Variants in CDH1 observed in about 807,000 individuals in gnomAD.
CDH1 encodes the protein cadherin-1.
CDH1 carries 35 observed loss-of-function variants against 84.5 expected under a neutral mutation model. The ratio of observed to expected loss-of-function variants is 0.41; its 90% CI spans 0.32 to 0.55. CDH1 has a LOEUF of 0.55. Among genes scored for constraint, CDH1 ranks in the 20% least tolerant of loss-of-function variants. The pLI is 0.19. For synonymous variants in CDH1, 417 were observed against 439.0 expected, an observed-to-expected ratio of 0.95 and a Z score of 0.63; for missense variants, 994 against 1,126.6, an observed-to-expected ratio of 0.88 and a Z score of 1.68.
chr16:68,804,996 A>ATTT (rs71148951), intron 3 of CDH1, among the ~76,000 whole-genome samples: 178 of 89,564 alleles, frequency 2.0e-3, no homozygotes, highest in Non-Finnish European at 2.5e-3. Flanking sequence ...TGCCCAGCTA[A>ATTT]TTTTTTTTTT....
chr16:68,745,549 A>AAATATATATATATATATGT (rs1555510453), intron 2 of CDH1, among the ~76,000 whole-genome samples: 2,069 of 75,156 alleles, frequency 0.028, 89 homozygotes, highest in Middle Eastern at 0.056. Context: ...AAAAAAAAAA[A>AAATATATATATATATATGT]ATATATATAT....
At chr16:68,779,074 T>C (rs755284474) in intron 2 of CDH1, among the ~76,000 whole-genome samples, 16 of 152,208 alleles carry the variant, frequency 1.1e-4, no homozygotes, top group Non-Finnish European at 1.6e-4. Flanking sequence ...AGTCAACTTA[T>C]TTACAGTGCT....
Position 68,813,298 on chromosome 16 carries a change from C to G in CDH1, c.1138-15C>G, listed in dbSNP as rs752733398. On this transcript the variant is annotated splice_polypyrimidine_tract_variant and intron_variant, in intron 8 of 15. Transcript: ENST00000261769. ...TCTTGGTACTTTGTAAATGACACATCTCTTTGCTCTGCAGTACAAGGGTCA... is the reference window on the plus strand; with the variant it reads ...TCTTGGTACTTTGTAAATGACACATGTCTTTGCTCTGCAGTACAAGGGTCA... 6 of 1,613,722 alleles carry G rather than the reference C, an allele frequency of 3.7e-6. No individual in the cohort carries two copies. The East Asian group carries it at 1.3e-4, about 36-fold the overall frequency.
At chr16:68,802,485 T>TC (rs1265981973) in intron 3 of CDH1, among the ~76,000 whole-genome samples, 3 of 145,744 alleles carry the variant, frequency 2.1e-5, no homozygotes, top group East Asian at 2.0e-4. Flanking sequence ...TCTCTCTCTC[T>TC]TTTTTTTTTA....
intron 6 of CDH1, among the ~76,000 whole-genome samples, chr16:68,811,146 C>T (rs971128103): frequency 5.9e-5 from 9 of 151,800 alleles, no homozygotes; most frequent in Admixed American, 3.3e-4. Context: ...ACCTGTAACC[C>T]CAGCACTTTG....
intron 2 of CDH1, among the ~76,000 whole-genome samples, chr16:68,791,229 CT>C (rs1275053692): frequency 6.6e-6 from 1 of 152,150 alleles, no homozygotes; most frequent in Non-Finnish European, 1.5e-5. Context: ...GCACTGCCGC[CT>C]GCTCTCTCCC....
At chr16:68,827,889 C>T (rs1961362402) in intron 13 of CDH1, among the ~76,000 whole-genome samples, 1 of 152,184 alleles carries the variant, frequency 6.6e-6, no homozygotes, top group Non-Finnish European at 1.5e-5. Flanking sequence ...GCCTGGAACA[C>T]TTTCCCCCAG....
intron 2 of CDH1, among the ~76,000 whole-genome samples, chr16:68,772,472 T>A (rs1959605892): frequency 6.6e-6 from 1 of 152,234 alleles, no homozygotes; most frequent in African/African-American, 2.4e-5. Context: ...AGGCTCTGTC[T>A]ACATTCAGAG....
intron 9 of CDH1, 194 bp downstream of exon 9, chr16:68,813,689 G>C (rs1960908321): frequency 1.5e-5 from 11 of 723,200 alleles, no homozygotes; most frequent in Non-Finnish European, 2.8e-5. Flanking sequence ...TGTGCTGTGT[G>C]TGGTGGCTCA....
At chr16:68,752,850 G>C (rs896591706) in intron 2 of CDH1, among the ~76,000 whole-genome samples, 8 of 152,182 alleles carry the variant, frequency 5.3e-5, no homozygotes, top group African/African-American at 1.9e-4. Flanking sequence ...GAGCCCGCCA[G>C]AGCCATCTGT....
In CDH1 at chr16:68,831,386, G is replaced by A. The variant is rs1051409697; in HGVS notation, c.2439+1589G>A. Among the ~76,000 whole-genome samples the A allele has an allele frequency of 3.3e-5, 5 of 151,564 alleles. 1 individual carries two copies. Among genetic ancestry groups the A allele is most frequent in the South Asian group, 4.2e-4 (2 of 4,790 alleles). ...ATTACAGGCGTGAGCCACCACGCCC[G>A]GACTGCTTTAGCTTTCTATGGGAGC... On this transcript the variant is annotated intron_variant, in intron 15 of 15. Transcript: ENST00000261769.
chr16:68,754,776 A>G (rs538662201), intron 2 of CDH1, among the ~76,000 whole-genome samples: 1 of 152,268 alleles, frequency 6.6e-6, no homozygotes, highest in African/African-American at 2.4e-5. Context: ...GGCATTGGGG[A>G]TGCAGCGGGG....
intron 3 of CDH1, among the ~76,000 whole-genome samples, chr16:68,804,183 A>C (rs1278554743): frequency 7.9e-6 from 1 of 125,994 alleles, no homozygotes; most frequent in African/African-American, 3.1e-5. Flanking sequence ...GCGCGATCTC[A>C]GCTCACTGCA....
At chr16:68,823,723 T>C in intron 13 of CDH1, 97 bp downstream of exon 13, 2 of 817,442 alleles carry the variant, frequency 2.4e-6, no homozygotes, top group Admixed American at 4.3e-5. Flanking sequence ...AATAAGGATA[T>C]AGGTTAGCTG....
At chr16:68,828,350 G>T (rs771329524) in intron 14 of CDH1, 46 bp downstream of exon 14, 1 of 1,606,582 alleles carries the variant, frequency 6.2e-7, no homozygotes, top group South Asian at 1.1e-5. Flanking sequence ...CTCTTTATTC[G>T]GAAGAAGCAA....
chr16:68,824,820 A>C (rs1424244189), intron 13 of CDH1, among the ~76,000 whole-genome samples: 1 of 152,070 alleles, frequency 6.6e-6, no homozygotes, highest in Non-Finnish European at 1.5e-5. Context: ...TAAAGGAATA[A>C]ATTAGCGATG....
chr16:68,777,813 C>A (rs1266428965), intron 2 of CDH1, among the ~76,000 whole-genome samples: 5 of 151,836 alleles, frequency 3.3e-5, no homozygotes, highest in East Asian at 3.9e-4. Context: ...CTCACTGCAA[C>A]CTTTGCCTCC....
At chr16:68,779,156 G>A (rs914861320) in intron 2 of CDH1, among the ~76,000 whole-genome samples, 6 of 152,176 alleles carry the variant, frequency 3.9e-5, no homozygotes, top group African/African-American at 9.7e-5. Context: ...CATCAACACC[G>A]CCTGCCTCAT....
At chr16:68,823,917 A>G (rs1362995819) in intron 13 of CDH1, among the ~76,000 whole-genome samples, 1 of 151,966 alleles carries the variant, frequency 6.6e-6, no homozygotes, top group Non-Finnish European at 1.5e-5. Flanking sequence ...GAGAGCATAC[A>G]AATCATCTGG....
Sources: gnomAD v4.1 joint callset for allele counts (sites outside exome capture counted in the v4.1 genomes callset) on GRCh38, gnomAD v4.1.1 for gene constraint, MANE v1.5 for transcripts, NCBI Gene and HGNC (gene_info 2026-07-23, HGNC 2026-07-21) for gene names.